The following MTCL3 variants were observed in gnomAD, a reference collection of about 807,000 sequenced individuals.
MTCL3 encodes the protein microtubule cross-linking factor 3.
the MTCL3 span, chr6:127,516,391 AGCTGCTGCT>A: frequency 1.8e-5 from 29 of 1,600,468 alleles, no homozygotes; most frequent in Admixed American, 3.3e-5. Flanking sequence ...CTGCTGCTGC[AGCTGCTGCT>A]GCCGAACAGA....
the MTCL3 span, among the ~76,000 whole-genome samples, chr6:127,502,704 C>T: frequency 2.0e-5 from 3 of 152,162 alleles, no homozygotes; most frequent in Non-Finnish European, 4.4e-5. Context: ...CTTACAGCTA[C>T]GTGATGTTAA....
the MTCL3 span, among the ~76,000 whole-genome samples, chr6:127,479,958 G>A: frequency 6.6e-6 from 1 of 152,170 alleles, no homozygotes; most frequent in African/African-American, 2.4e-5. Context: ...CACAGTAATT[G>A]AGCAGTAAAT....
chr6:127,483,010 G>T, the MTCL3 span: 1 of 1,537,644 alleles, frequency 6.5e-7, no homozygotes, highest in Non-Finnish European at 8.9e-7. Context: ...AATATATTTA[G>T]TTGGATAAAC....
At chr6:127,481,872 G>A in the MTCL3 span, among the ~76,000 whole-genome samples, 2 of 152,192 alleles carry the variant, frequency 1.3e-5, no homozygotes, top group South Asian at 2.1e-4. Flanking sequence ...CAAGATACAG[G>A]TCATAAAGAC....
At chr6:127,491,098 G>C in the MTCL3 span, among the ~76,000 whole-genome samples, 1 of 152,348 alleles carries the variant, frequency 6.6e-6, no homozygotes, top group South Asian at 2.1e-4. Flanking sequence ...TTCTTGAAAT[G>C]AACTGTATTC....
chr6:127,504,802 G>T, the MTCL3 span, among the ~76,000 whole-genome samples: 2,545 of 152,232 alleles, frequency 0.017, 88 homozygotes, highest in African/African-American at 0.059. Context: ...AAGTCATAGG[G>T]AATAAAAATA....
At chr6:127,496,522 AAAGG>A in the MTCL3 span, among the ~76,000 whole-genome samples, 4 of 152,210 alleles carry the variant, frequency 2.6e-5, no homozygotes, top group Non-Finnish European at 5.9e-5. Context: ...CTGTTTCTTA[AAAGG>A]CTAAATGTAA....
At chr6:127,486,675 C>T in the MTCL3 span, among the ~76,000 whole-genome samples, 4 of 152,276 alleles carry the variant, frequency 2.6e-5, no homozygotes, top group South Asian at 4.1e-4. Context: ...TTTACATTCC[C>T]AGCCTCAGCT....
chr6:127,513,574 T>G, the MTCL3 span, among the ~76,000 whole-genome samples: 125 of 152,362 alleles, frequency 8.2e-4, 2 homozygotes, highest in Middle Eastern at 0.014. Context: ...TCCAGTTGCT[T>G]AATCTTAGGA....
chr6:127,507,842 CAAAAAAAAAA>C, the MTCL3 span, among the ~76,000 whole-genome samples: 10 of 82,078 alleles, frequency 1.2e-4, no homozygotes, highest in South Asian at 2.5e-3. Context: ...GACTATGTCT[CAAAAAAAAAA>C]AAAAAAAAAA....
chr6:127,490,954 G>A, the MTCL3 span, among the ~76,000 whole-genome samples: 2 of 152,234 alleles, frequency 1.3e-5, no homozygotes, highest in African/African-American at 4.8e-5. Flanking sequence ...CAAGACATCA[G>A]TTGAGGAAAT....
At chr6:127,476,005 G>A in the MTCL3 span, 1 of 1,610,836 alleles carries the variant, frequency 6.2e-7, no homozygotes, top group Non-Finnish European at 8.5e-7. The surrounding 1 kb of genome is among the most constrained non-coding windows in gnomAD (Gnocchi z 4.4). Flanking sequence ...GAGCTCCGCC[G>A]TGATGCGCTT....
chr6:127,516,079 C>A, the MTCL3 span: 1 of 1,505,822 alleles, frequency 6.6e-7, no homozygotes, highest in Non-Finnish European at 8.8e-7. Context: ...TTCCCCGGAG[C>A]CGCCGCCGGC....
At chr6:127,475,961 T>A in the MTCL3 span, 1 of 1,611,866 alleles carries the variant, frequency 6.2e-7, no homozygotes, top group Non-Finnish European at 8.5e-7. The surrounding 1 kb of genome is among the most constrained non-coding windows in gnomAD (Gnocchi z 7.3). Context: ...TGCCGCGCGC[T>A]GTCGTGGCCG....
the MTCL3 span, chr6:127,476,289 A>G: frequency 1.2e-6 from 2 of 1,614,142 alleles, no homozygotes; most frequent in Non-Finnish European, 1.7e-6. This position sits in a 1 kb window ranked among gnomAD's most constrained non-coding sequence, Gnocchi z 4.4. Context: ...TAGTGCTGGG[A>G]GGGCCTCCGG....
the MTCL3 span, among the ~76,000 whole-genome samples, chr6:127,512,169 C>G: frequency 6.6e-6 from 1 of 152,066 alleles, no homozygotes; most frequent in Non-Finnish European, 1.5e-5. Context: ...TACCTTGATT[C>G]TGTTCTTTTA....
the MTCL3 span, among the ~76,000 whole-genome samples, chr6:127,480,693 T>A: frequency 8.5e-5 from 13 of 152,216 alleles, no homozygotes; most frequent in Non-Finnish European, 2.9e-5. Flanking sequence ...AAAAATGCCC[T>A]GGCTAAGTAG....
the MTCL3 span, chr6:127,515,594 G>A: frequency 5.6e-6 from 8 of 1,432,488 alleles, no homozygotes; most frequent in Non-Finnish European, 7.3e-6. The surrounding 1 kb of genome is among the most constrained non-coding windows in gnomAD (Gnocchi z 4.3). Flanking sequence ...TGCGGGTGCG[G>A]CTGCGACGAA....
At chr6:127,504,797 A>G in the MTCL3 span, among the ~76,000 whole-genome samples, 7 of 152,372 alleles carry the variant, frequency 4.6e-5, no homozygotes, top group Admixed American at 2.6e-4. Flanking sequence ...CAGAGAAGTC[A>G]TAGGGAATAA....
Sources: gnomAD v4.1 joint callset for allele counts (sites outside exome capture counted in the v4.1 genomes callset) on GRCh38, gnomAD v4.1.1 for gene constraint, Gnocchi (gnomAD v3.1) non-coding constraint, MANE v1.5 for transcripts, NCBI Gene and HGNC (gene_info 2026-07-23, HGNC 2026-07-21) for gene names.